The following CD44 variants were observed in gnomAD, a reference collection of about 807,000 sequenced individuals.
CD44 encodes CD44 molecule (IN blood group).
CD44 carries 49 observed loss-of-function variants against 88.8 expected under a neutral mutation model. The ratio of observed to expected loss-of-function variants is 0.55; its 90% CI spans 0.44 to 0.70. The LOEUF (loss-of-function observed/expected upper bound fraction) is 0.70. Among genes scored for constraint, CD44 ranks in the 30% least tolerant of loss-of-function variants. The pLI is 0.00. For missense variants in CD44, 883 were observed against 913.8 expected (o/e 0.97, Z 0.43); for synonymous variants, 325 against 312.3 (o/e 1.04, Z -0.43).
chr11:35,171,992 G>A (rs1943957896), intron 1 of CD44, among the ~76,000 whole-genome samples: 1 of 152,212 alleles, frequency 6.6e-6, no homozygotes, highest in African/African-American at 2.4e-5. Context: ...ACTCTCTGGT[G>A]AAGCTTTTCG....
chr11:35,196,139 A>T (rs1331717808), intron 5 of CD44, among the ~76,000 whole-genome samples: 1 of 152,212 alleles, frequency 6.6e-6, no homozygotes, highest in East Asian at 1.9e-4. Context: ...TTTGGAAAGG[A>T]TGTTAAATGG....
intron 1 of CD44, among the ~76,000 whole-genome samples, chr11:35,170,980 C>T (rs1363483185): frequency 6.6e-6 from 1 of 152,168 alleles, no homozygotes; most frequent in African/African-American, 2.4e-5. Flanking sequence ...GTTTCTCCAT[C>T]TGGAAAATGA....
intron 5 of CD44, among the ~76,000 whole-genome samples, chr11:35,196,215 T>C (rs1946727568): frequency 6.6e-6 from 1 of 152,238 alleles, no homozygotes; most frequent in South Asian, 2.1e-4. Flanking sequence ...GTGATCTTCC[T>C]GACTATGGGA....
chr11:35,164,516 G>A (rs913476609), intron 1 of CD44, among the ~76,000 whole-genome samples: 13 of 152,236 alleles, frequency 8.5e-5, no homozygotes, highest in African/African-American at 3.1e-4. Flanking sequence ...TGGGCTGTGT[G>A]TTGAAGTTGG....
intron 15 of CD44, among the ~76,000 whole-genome samples, chr11:35,216,750 G>A (rs1021650421): frequency 6.6e-6 from 1 of 152,128 alleles, no homozygotes; most frequent in Non-Finnish European, 1.5e-5. Flanking sequence ...CTAAAACCAA[G>A]AGACCCCAGC....
chr11:35,159,912 G>A (rs1437348236), intron 1 of CD44, among the ~76,000 whole-genome samples: 1 of 152,194 alleles, frequency 6.6e-6, no homozygotes, highest in African/African-American at 2.4e-5. Flanking sequence ...AGTTCAAGGT[G>A]TCTCCTTTTC....
intron 8 of CD44, 150 bp from the exon 9 acceptor site, chr11:35,201,521 G>A: frequency 1.2e-6 from 1 of 830,056 alleles, no homozygotes; most frequent in Non-Finnish European, 1.9e-6. Flanking sequence ...AGACCAATTA[G>A]GTAAAGTCAC....
chr11:35,172,063 T>C (rs1232647421), intron 1 of CD44, among the ~76,000 whole-genome samples: 5 of 152,196 alleles, frequency 3.3e-5, no homozygotes, highest in Admixed American at 3.3e-4. Flanking sequence ...AATTAGCAGA[T>C]GTTATCGTTC....
At chr11:35,222,257 CA>C in intron 17 of CD44, 1 of 435,304 alleles carries the variant, frequency 2.3e-6, no homozygotes, top group East Asian at 8.0e-5. Context: ...GAACTTTTAC[CA>C]GAAGGAAGTA....
intron 11 of CD44, among the ~76,000 whole-genome samples, chr11:35,206,477 T>C (rs1452750980): frequency 6.6e-6 from 1 of 152,120 alleles, no homozygotes; most frequent in Non-Finnish European, 1.5e-5. Flanking sequence ...AAAAAACTTA[T>C]TGTCAAAATA....
intron 10 of CD44, chr11:35,204,987 T>C (rs144052780): frequency 3.6e-4 from 73 of 201,848 alleles, no homozygotes; most frequent in African/African-American, 1.7e-3. Context: ...CTCTATAATG[T>C]GGGTCCAGAC....
intron 3 of CD44, among the ~76,000 whole-genome samples, chr11:35,186,368 C>G (rs1037106525): frequency 3.3e-5 from 5 of 152,202 alleles, no homozygotes; most frequent in Non-Finnish European, 7.4e-5. Flanking sequence ...GTTTTCTCAT[C>G]ATTTCTGTGG....
At chr11:35,222,310 C>CT (rs1050862442) in intron 17 of CD44, 68 of 766,662 alleles carry the variant, frequency 8.9e-5, no homozygotes, top group Admixed American at 2.9e-4. Flanking sequence ...TTTTATTGGC[C>CT]TTGTGCTTTT....
chr11:35,208,308 A>T lies in CD44; in HGVS notation c.1516+102A>T. The T allele has an allele frequency of 3.7e-6, 3 of 817,938 alleles. No homozygotes were observed. The Admixed American group carries it at 5.3e-5, about 14-fold the overall frequency. 50.7% of individuals were successfully genotyped at this position (817,938 alleles called of 1,614,324 possible). On this transcript the variant is annotated intron_variant, in intron 12 of 17. Coordinates refer to ENST00000428726, the MANE Select transcript of CD44 (RefSeq NM_000610.4). Reference sequence around the variant, plus strand: ...AGAGCTTTGGTGGTGGAATGGTGCTATGTGGCTTACTTCAGCCCAGAGTGT... The same window carrying T: ...AGAGCTTTGGTGGTGGAATGGTGCTTTGTGGCTTACTTCAGCCCAGAGTGT...
chr11:35,205,844 C>A, intron 10 of CD44: 1 of 1,078,880 alleles, frequency 9.3e-7, no homozygotes. Context: ...CCTTTGATGT[C>A]GGTAACTCAT....
chr11:35,169,493 C>T (rs1226845963), intron 1 of CD44, among the ~76,000 whole-genome samples: 1 of 151,974 alleles, frequency 6.6e-6, no homozygotes, highest in Non-Finnish European at 1.5e-5. Context: ...GATGTATTGA[C>T]CAGCTCCTGG....
In CD44 at chr11:35,230,317, C is replaced by A. The variant is rs1378389776; in HGVS notation, c.*984C>A. The A allele has an allele frequency of 6.6e-6, 1 of 151,888 alleles. No homozygotes were observed. The highest frequency in any genetic ancestry group is 1.5e-5 in the Non-Finnish European group (1 of 67,998). 9.4% of individuals were successfully genotyped at this position (151,888 alleles called of 1,614,324 possible). On this transcript the variant is annotated 3_prime_UTR_variant, in exon 18 of 18. Coordinates refer to ENST00000428726, the MANE Select transcript of CD44 (RefSeq NM_000610.4). ...TTCAGCCTCTTTTATGGTTTAATGG[C>A]CACCTGTTCTCTCCTGTGAAAGGCT...
intron 17 of CD44, chr11:35,222,781 C>A: frequency 4.1e-6 from 4 of 984,294 alleles, no homozygotes; most frequent in Non-Finnish European, 4.8e-6. Context: ...GAATATTAAG[C>A]CTTTTGTAAA....
At chr11:35,189,650 C>T (rs1946070587) in intron 4 of CD44, among the ~76,000 whole-genome samples, 185 bp from the exon 5 acceptor site, 1 of 152,134 alleles carries the variant, frequency 6.6e-6, no homozygotes, top group African/African-American at 2.4e-5. Flanking sequence ...CTGCCTCATC[C>T]CCAGGGTGTG....
Sources: allele counts gnomAD v4.1 joint callset (sites outside exome capture counted in the v4.1 genomes callset), GRCh38; gene constraint gnomAD v4.1.1; transcripts MANE v1.5; gene names NCBI Gene and HGNC (gene_info 2026-07-23, HGNC 2026-07-21).